PCSK5: variants seen among roughly 807,000 people sequenced by gnomAD.
PCSK5 encodes the protein prohormone convertase 5.
PCSK5 carries 129 observed loss-of-function variants against 233.2 expected under a neutral mutation model. The ratio of observed to expected loss-of-function variants is 0.55; its 90% CI spans 0.48 to 0.64. The LOEUF is 0.64. Among genes scored for constraint, PCSK5 ranks in the 30% least tolerant of loss-of-function variants. The pLI, the probability that PCSK5 is intolerant of heterozygous loss-of-function variation, is 0.00. For synonymous variants in PCSK5, 825 were observed against 879.2 expected, an observed-to-expected ratio of 0.94 and a Z score of 1.09; for missense variants, 2,076 against 2,430.1, an observed-to-expected ratio of 0.85 and a Z score of 3.06.
At chr9:76,263,018 C>A (rs1827227422) in intron 24 of PCSK5, among the ~76,000 whole-genome samples, 1 of 151,934 alleles carries the variant, frequency 6.6e-6, no homozygotes, top group Non-Finnish European at 1.5e-5. Context: ...CCAAAAAACA[C>A]ATGAAAAAAT....
intron 20 of PCSK5, among the ~76,000 whole-genome samples, chr9:76,205,673 C>T (rs996391969): frequency 6.6e-6 from 1 of 152,172 alleles, no homozygotes; most frequent in African/African-American, 2.4e-5. Context: ...AAATGGTTGT[C>T]AACGAGACAA....
chr9:76,195,043 T>TAA (rs1824623094), intron 20 of PCSK5: 1 of 170,354 alleles, frequency 5.9e-6, no homozygotes, highest in Non-Finnish European at 1.3e-5. Flanking sequence ...GAATAATAAG[T>TAA]AAATAGTCTG....
At chr9:75,911,195 A>G (rs550427147) in intron 1 of PCSK5, among the ~76,000 whole-genome samples, 19 of 137,694 alleles carry the variant, frequency 1.4e-4, no homozygotes, top group African/African-American at 5.2e-4. Flanking sequence ...GCGTGTGAAC[A>G]TATAGGTTTT....
intron 4 of PCSK5, 96 bp downstream of exon 4, chr9:76,023,977 A>G (rs1416626149): frequency 1.8e-6 from 2 of 1,087,350 alleles, no homozygotes; most frequent in Non-Finnish European, 2.7e-6. Flanking sequence ...TGAAAAATGT[A>G]GCAACGTACA....
chr9:76,088,973 G>A (rs559797396), intron 7 of PCSK5, among the ~76,000 whole-genome samples: 1 of 145,646 alleles, frequency 6.9e-6, no homozygotes, highest in Non-Finnish European at 1.5e-5. Flanking sequence ...GTTTCTAGAT[G>A]AGATCTATTT....
intron 24 of PCSK5, among the ~76,000 whole-genome samples, chr9:76,247,003 G>A (rs1371440927): frequency 6.6e-6 from 1 of 152,222 alleles, no homozygotes; most frequent in Non-Finnish European, 1.5e-5. Flanking sequence ...TGAGGTGAGT[G>A]TTATAGCTCT....
rs572907772 is a variant in PCSK5, at chr9:76,259,231, G to A, written c.3142+18547G>A. On this transcript the variant is annotated intron_variant, in intron 24 of 37. Transcript: ENST00000674117. ...TCTCTGGCCTCAGTGTCTACCTCTTGTTCCTCACCTCCCTCTCCAGCTACA... is the reference window on the plus strand; with the variant it reads ...TCTCTGGCCTCAGTGTCTACCTCTTATTCCTCACCTCCCTCTCCAGCTACA... Among the ~76,000 whole-genome samples the A allele has an allele frequency of 2.0e-5, 3 of 152,182 alleles. No individual in the cohort carries two copies. In the East Asian group the frequency reaches 5.8e-4, roughly 29 times the overall value.
intron 5 of PCSK5, among the ~76,000 whole-genome samples, chr9:76,042,276 G>A (rs1829154616): frequency 6.6e-6 from 1 of 152,214 alleles, no homozygotes; most frequent in Non-Finnish European, 1.5e-5. Flanking sequence ...GTCTTATTCT[G>A]ATATTCCAAA....
At chr9:76,345,616 G>T (rs1301710625) in intron 35 of PCSK5, among the ~76,000 whole-genome samples, 2 of 151,614 alleles carry the variant, frequency 1.3e-5, no homozygotes, top group African/African-American at 4.9e-5. Context: ...TAGAGACGGG[G>T]TTTCACCATG....
At chr9:76,317,025 C>T (rs1274081586) in intron 30 of PCSK5, among the ~76,000 whole-genome samples, 3 of 152,110 alleles carry the variant, frequency 2.0e-5, no homozygotes, top group African/African-American at 7.2e-5. Context: ...TCTCTCTCTT[C>T]TACCTAGACT....
chr9:76,338,746 G>A lies in PCSK5; in HGVS notation c.4966+299G>A, dbSNP rs149215900. Among the ~76,000 whole-genome samples, 437 of 152,108 alleles carry A rather than the reference G, an allele frequency of 2.9e-3. 4 individuals carry two copies. Among genetic ancestry groups the A allele is most frequent in the African/African-American group, 9.8e-3 (405 of 41,484 alleles). On this transcript the variant is annotated intron_variant, in intron 35 of 37. Transcript: ENST00000674117. ...TACTCTACCTGATGAGTCTGTCTGG[G>A]GGAATTTGTTTATTTTCATTACTCC...
chr9:76,180,912 G>A (rs1281629155), intron 15 of PCSK5, among the ~76,000 whole-genome samples: 1 of 146,876 alleles, frequency 6.8e-6, no homozygotes, highest in African/African-American at 2.5e-5. Flanking sequence ...TTTTTTTTAA[G>A]TGTTCTCATA....
At chr9:75,960,207 T>C (rs889545034) in intron 2 of PCSK5, among the ~76,000 whole-genome samples, 1 of 152,250 alleles carries the variant, frequency 6.6e-6, no homozygotes, top group African/African-American at 2.4e-5. Context: ...AGACAATTCT[T>C]TCTTCTTTTG....
chr9:75,953,443 A>G (rs1824954474), intron 2 of PCSK5, among the ~76,000 whole-genome samples: 2 of 152,168 alleles, frequency 1.3e-5, no homozygotes, highest in African/African-American at 4.8e-5. Context: ...TGCAGGGTTT[A>G]AAGTGAGCTG....
intron 24 of PCSK5, among the ~76,000 whole-genome samples, chr9:76,273,194 T>C (rs1254529025): frequency 1.3e-5 from 2 of 152,170 alleles, no homozygotes; most frequent in African/African-American, 4.8e-5. Flanking sequence ...CCTAAGCTTT[T>C]GCTTCCTCAA....
At chr9:76,309,736 T>G (rs1282327105) in intron 29 of PCSK5, among the ~76,000 whole-genome samples, 2 of 150,690 alleles carry the variant, frequency 1.3e-5, no homozygotes, top group Non-Finnish European at 2.9e-5. Context: ...CACGTTGGAA[T>G]GTACAATGTT....
chr9:75,906,155 A>G (rs568326627), intron 1 of PCSK5, among the ~76,000 whole-genome samples: 2 of 152,312 alleles, frequency 1.3e-5, no homozygotes, highest in Admixed American at 6.5e-5. Flanking sequence ...TTAGTAGACT[A>G]AAGTGTGACC....
At chr9:76,043,395 T>C (rs1294691491) in intron 5 of PCSK5, among the ~76,000 whole-genome samples, 5 of 150,606 alleles carry the variant, frequency 3.3e-5, no homozygotes, top group Admixed American at 3.3e-4. Flanking sequence ...AAAGGCAGGC[T>C]TCCATTTAGA....
chr9:76,014,102 C>A (rs1587498784), intron 3 of PCSK5, among the ~76,000 whole-genome samples: 1 of 152,010 alleles, frequency 6.6e-6, no homozygotes, highest in African/African-American at 2.4e-5. Context: ...GGTTTCTCAG[C>A]AGATTTATGC....
Sources: gnomAD v4.1 joint callset for allele counts (sites outside exome capture counted in the v4.1 genomes callset) on GRCh38, gnomAD v4.1.1 for gene constraint, MANE v1.5 for transcripts, NCBI Gene and HGNC (gene_info 2026-07-23, HGNC 2026-07-21) for gene names.